The following COL24A1 variants were observed in gnomAD, a reference collection of about 807,000 sequenced individuals.
COL24A1 encodes collagen type XXIV alpha 1 chain, also known as collagen alpha-1(XXIV) chain.
In COL24A1, 224 loss-of-function variants were observed where a neutral mutation model predicts 253.9. That is an observed-to-expected ratio of 0.88 (90% CI 0.79 to 0.99). COL24A1 has a LOEUF of 0.99. Among genes scored for constraint, COL24A1 ranks in the 50% least tolerant of loss-of-function variants. The probability of loss-of-function intolerance (pLI) is 0.00; values close to 1 mark genes in which losing one functional copy is unlikely to be tolerated. For synonymous variants in COL24A1, 685 were observed against 673.7 expected (o/e 1.02, Z -0.26); for missense variants, 2,131 against 2,068.5 (o/e 1.03, Z -0.59).
intron 24 of COL24A1, among the ~76,000 whole-genome samples, chr1:85,937,336 A>C (rs1688326712): frequency 6.8e-6 from 1 of 147,746 alleles, no homozygotes; most frequent in Non-Finnish European, 1.5e-5. Context: ...GTACAGACTA[A>C]TGGAAATTTG....
intron 2 of COL24A1, among the ~76,000 whole-genome samples, chr1:86,131,931 C>T (rs1424533612): frequency 2.0e-5 from 3 of 152,128 alleles, no homozygotes; most frequent in African/African-American, 4.8e-5. Flanking sequence ...CCTGAGGAAT[C>T]GTCACACTGA....
At chr1:85,898,753 G>A (rs556446198) in intron 28 of COL24A1, among the ~76,000 whole-genome samples, 1 of 152,070 alleles carries the variant, frequency 6.6e-6, no homozygotes, top group Non-Finnish European at 1.5e-5. Context: ...AAGCAAATAA[G>A]TACGTAAAAC....
intron 21 of COL24A1, among the ~76,000 whole-genome samples, chr1:85,970,662 C>T (rs192028631): frequency 6.6e-6 from 1 of 152,026 alleles, no homozygotes; most frequent in African/African-American, 2.4e-5. Flanking sequence ...ACATACAGAC[C>T]TCCCTAGAAT....
At chr1:85,862,472 G>C (rs749116625) in intron 37 of COL24A1, among the ~76,000 whole-genome samples, 6 of 152,110 alleles carry the variant, frequency 3.9e-5, no homozygotes, top group Non-Finnish European at 5.9e-5. Context: ...ATTCCTGACT[G>C]ATACAGGAAT....
intron 5 of COL24A1, among the ~76,000 whole-genome samples, chr1:86,093,506 C>T (rs1703659147): frequency 6.6e-6 from 1 of 151,908 alleles, no homozygotes; most frequent in Non-Finnish European, 1.5e-5. Flanking sequence ...GGATTAAAGA[C>T]TTAAATGTAA....
chr1:86,051,402 GAGA>G (rs144937187), intron 10 of COL24A1, among the ~76,000 whole-genome samples: 14,968 of 152,150 alleles, frequency 0.098, 808 homozygotes, highest in Middle Eastern at 0.2. Flanking sequence ...TTTGCCTAGA[GAGA>G]AGATTAATGG....
At chr1:85,992,206 A>G (rs1694352986) in intron 19 of COL24A1, among the ~76,000 whole-genome samples, 1 of 152,036 alleles carries the variant, frequency 6.6e-6, no homozygotes, top group African/African-American at 2.4e-5. Context: ...GTTTGCTGAG[A>G]ATGATGGTTT....
chr1:86,038,150 T>G (rs1699176141), intron 12 of COL24A1, among the ~76,000 whole-genome samples: 1 of 152,144 alleles, frequency 6.6e-6, no homozygotes, highest in Non-Finnish European at 1.5e-5. Context: ...ATGCATTGTT[T>G]AATAATGGAA....
intron 3 of COL24A1, among the ~76,000 whole-genome samples, chr1:86,122,927 G>A (rs1351287788): frequency 6.6e-6 from 1 of 151,980 alleles, no homozygotes; most frequent in Non-Finnish European, 1.5e-5. Context: ...TCATTTGACA[G>A]TTAAGAATGC....
At chr1:85,775,647 T>A in intron 53 of COL24A1, 27 bp downstream of exon 53, 1 of 1,597,772 alleles carries the variant, frequency 6.3e-7, no homozygotes, top group South Asian at 1.1e-5. Context: ...TCAGGGTTAC[T>A]ATAATCACAA....
At position 86,110,994 on chromosome 1, in the gene COL24A1, G is replaced by T. The variant is rs542039661; in HGVS notation, c.1599+1573C>A. Among the ~76,000 whole-genome samples the T allele has an allele frequency of 2.0e-5, 3 of 152,362 alleles. No individual in the cohort carries two copies. The East Asian group carries it at 5.8e-4, about 29-fold the overall frequency. ...TGCCCCTGCATGACATCCGCTAGGGGAAGCCAGCTGGGCTCCTGAGTATGG... is the reference window on the plus strand; with the variant it reads ...TGCCCCTGCATGACATCCGCTAGGGTAAGCCAGCTGGGCTCCTGAGTATGG... On this transcript the variant is annotated intron_variant, in intron 5 of 59. Transcript: ENST00000370571.
At chr1:85,985,956 C>T (rs1558902074) in intron 20 of COL24A1, among the ~76,000 whole-genome samples, 1 of 151,664 alleles carries the variant, frequency 6.6e-6, no homozygotes, top group Non-Finnish European at 1.5e-5. Context: ...AAATATTTTC[C>T]AAATATTGCA....
intron 12 of COL24A1, among the ~76,000 whole-genome samples, chr1:86,046,575 A>G (rs954640892): frequency 6.6e-6 from 1 of 152,322 alleles, no homozygotes; most frequent in Admixed American, 6.5e-5. Flanking sequence ...TCCTTGCCGT[A>G]GAGATAAGGG....
At chr1:86,056,327 G>A (rs1700659841) in intron 10 of COL24A1, among the ~76,000 whole-genome samples, 1 of 152,136 alleles carries the variant, frequency 6.6e-6, no homozygotes, top group African/African-American at 2.4e-5. Flanking sequence ...AAAAGACATT[G>A]GTTCTAGTTC....
At chr1:85,846,708 G>A (rs1041844756) in intron 39 of COL24A1, among the ~76,000 whole-genome samples, 1 of 151,950 alleles carries the variant, frequency 6.6e-6, no homozygotes, top group African/African-American at 2.4e-5. Context: ...TGGTGGGAGT[G>A]CAAATTTGAT....
intron 37 of COL24A1, among the ~76,000 whole-genome samples, chr1:85,863,815 C>T (rs1433916132): frequency 3.9e-5 from 6 of 152,160 alleles, no homozygotes; most frequent in Non-Finnish European, 8.8e-5. Context: ...CATCACTGGC[C>T]ATCAGAGAAA....
At chr1:85,790,722 G>A (rs1670190388) in intron 47 of COL24A1, among the ~76,000 whole-genome samples, 1 of 152,048 alleles carries the variant, frequency 6.6e-6, no homozygotes, top group South Asian at 2.1e-4. Context: ...TTCGAATATT[G>A]TATTTTTAGG....
intron 53 of COL24A1, among the ~76,000 whole-genome samples, chr1:85,774,573 T>G (rs1318753078): frequency 6.6e-6 from 1 of 152,202 alleles, no homozygotes; most frequent in Non-Finnish European, 1.5e-5. Context: ...TATTCAGAGA[T>G]TCAACTTCTT....
rs60994639 is a variant in COL24A1, at chr1:85,885,397, A to ATATTTTTTTTT, written c.2976+4162_2976+4163insAAAAAAAAATA. Among the ~76,000 whole-genome samples, 361 of 128,860 alleles carry ATATTTTTTTTT rather than the reference A, an allele frequency of 2.8e-3. 1 individual carries two copies. Among genetic ancestry groups the ATATTTTTTTTT allele is most frequent in the African/African-American group, 8.0e-3 (273 of 34,306 alleles). 84.5% of individuals were successfully genotyped at this position (128,860 alleles called of 152,430 possible). A position where few individuals can be genotyped will look rare whatever the true frequency, so the allele number is the denominator to read the frequency against. ...TGTGTGTATATATATATATATATAT[A>ATATTTTTTTTT]TTTTTTTTTTAAGTAGAAACTAAAT... On this transcript the variant is annotated intron_variant, in intron 32 of 59. Transcript: ENST00000370571.
Sources: allele counts gnomAD v4.1 joint callset (sites outside exome capture counted in the v4.1 genomes callset), GRCh38; gene constraint gnomAD v4.1.1; transcripts MANE v1.5; gene names NCBI Gene and HGNC (gene_info 2026-07-23, HGNC 2026-07-21).